PLEC: variants seen among roughly 807,000 people sequenced by gnomAD.
The protein encoded by PLEC is plectin.
PLEC carries 216 observed loss-of-function variants against 392.8 expected under a neutral mutation model. The observed-to-expected ratio is 0.55, with a 90% CI of 0.49 to 0.62. PLEC has a LOEUF of 0.62. PLEC is among the 20% of genes least tolerant of loss of function. The pLI is 0.00. For missense variants in PLEC, 6,863 were observed against 6,563.4 expected (o/e 1.05, Z -1.58); for synonymous variants, 3,621 against 2,980.6 (o/e 1.21, Z -7.00).
At chr8:143,943,837 GACA>G (rs781900511), upstream of PLEC, 10 of 1,612,354 alleles carry the variant, frequency 6.2e-6, no homozygotes, top group African/African-American at 1.1e-4. Context: ...CGGCCAGGGT[GACA>G]ACGTGACCCA....
In PLEC at chr8:143,924,453, GCGC is replaced by G. The variant is rs1564040774; in HGVS notation, c.5473_5475del (p.Ala1825del). 6.4e-7 allele frequency: 1 copy of G among 1,554,656 alleles called. No individual in the cohort carries two copies. The highest frequency in any genetic ancestry group is 1.8e-5 in the Admixed American group (1 of 54,510). ...ACCCGCTCCGCCTCGGCCCGCTGCC[GCGC>G]CGCGTCTTCCTCGGCCAGCTGCCGC... On this transcript the variant is annotated inframe_deletion, in exon 31 of 32. Coordinates refer to ENST00000345136, the MANE Select transcript of PLEC (RefSeq NM_201384.3).
Position 143,935,866 on chromosome 8 carries a change from G to A in PLEC, c.584C>T (p.Ala195Val), listed in dbSNP as rs782111264. The change falls in exon 6 of 32, where the codon GCC becomes GTC. Residue 195 changes from alanine (A) to valine (V), a missense_variant. Coordinates refer to ENST00000345136, the MANE Select transcript of PLEC (RefSeq NM_201384.3). ...CATGTACTTGTGCCGGTGGATGATG[G>A]CATTGAAGAGGCGGCCGTCTCTCCA... ...SSWRDGRLFNAIIHRHKPLLI... is the reference protein window; with the variant it reads ...SSWRDGRLFNVIIHRHKPLLI... 2 of 1,612,950 alleles carry A rather than the reference G, an allele frequency of 1.2e-6. No homozygotes were observed. Among genetic ancestry groups the A allele is most frequent in the Non-Finnish European group, 1.7e-6 (2 of 1,179,978 alleles).
intron 30 of PLEC, among the ~76,000 whole-genome samples, chr8:143,926,583 G>C (rs1464389714): frequency 6.6e-6 from 1 of 152,182 alleles, no homozygotes; most frequent in Non-Finnish European, 1.5e-5. Flanking sequence ...GAGCAGTGTA[G>C]CCACACCAGG....
rs1821474046 is a variant in PLEC, at chr8:143,918,796, CT to C, written c.11024del (p.Glu3675GlyfsTer30). ...LLREGTRSLR[E>X]ALEAESAWCY... ...ACCAGGCGGACTCCGCCTCGAGAGC[CT>C]CACGGAGGCTCCTGGTGCCCTCCCG... is the stretch of plus-strand genomic sequence containing the variant. On this transcript the variant is annotated frameshift_variant, in exon 32 of 32. Coordinates refer to ENST00000345136, the MANE Select transcript of PLEC (RefSeq NM_201384.3). LOFTEE classifies it high-confidence loss of function. 1 of 1,613,072 alleles carries C rather than the reference CT, an allele frequency of 6.2e-7. No homozygotes were observed. Among genetic ancestry groups the C allele is most frequent in the Non-Finnish European group, 8.5e-7 (1 of 1,180,022 alleles).
At position 143,917,310 on chromosome 8, in the gene PLEC, G is replaced by A; in HGVS notation, c.12511C>T (p.Leu4171=). 1 of 1,609,558 alleles carries A rather than the reference G, an allele frequency of 6.2e-7. No homozygotes were observed. The change falls in exon 32 of 32, where the codon CTG becomes TTG. Residue 4171 remains leucine (L), a synonymous_variant. Transcript: ENST00000345136. ...TCCCACTCGCACTCCTGCTCGGACAGCTCCAGGTACGTCTGGTGGTCAATC... is the reference window on the plus strand; with the variant it reads ...TCCCACTCGCACTCCTGCTCGGACAACTCCAGGTACGTCTGGTGGTCAATC... The part of the protein sequence containing the change: ...GLIDHQTYLE[L]SEQECEWEEI...
Position 143,937,467 on chromosome 8 carries a change from G to A in PLEC, c.265-225C>T, listed in dbSNP as rs530667905. Among the ~76,000 whole-genome samples, 4 of 152,290 alleles carry A rather than the reference G, an allele frequency of 2.6e-5. No individual in the cohort carries two copies. In the East Asian group the frequency reaches 7.8e-4, roughly 30 times the overall value. ...AGTCCAGCGACCCAGGCTGAGGGAA[G>A]GAAGGAAGGGGTGGGAGGAGACAAT... On this transcript the variant is annotated intron_variant, in intron 3 of 31. Transcript: ENST00000345136.
In PLEC at chr8:143,927,714, T is replaced by C. The variant is rs1224285110; in HGVS notation, c.3452A>G (p.Asp1151Gly). 1.9e-6 allele frequency: 3 copies of C among 1,590,398 alleles called. No homozygotes were observed. The highest frequency in any genetic ancestry group is 2.6e-6 in the Non-Finnish European group (3 of 1,167,142). ...AQQPTFDALR[D>G]ELRGAQEVGE... ...CACCTCCTGTGCCCCCCGCAGCTCA[T>C]CCCGCAGGGCGTCGAACGTGGGCTG... The change falls in exon 27 of 32, where the codon GAT (aspartate) becomes GGT (glycine). Residue 1151 changes from aspartate to glycine, a missense_variant. Physicochemically the swap from Asp to Gly is moderately conservative, Grantham distance 94. Coordinates refer to ENST00000345136, the MANE Select transcript of PLEC (RefSeq NM_201384.3).
intron 23 of PLEC, 36 bp downstream of exon 23, chr8:143,929,610 C>T: frequency 1.2e-6 from 2 of 1,610,088 alleles, no homozygotes; most frequent in Non-Finnish European, 1.7e-6. Flanking sequence ...GCCCACCTCG[C>T]ACCAGCCCAA....
upstream of PLEC, chr8:143,943,988 G>C (rs1831007381): frequency 6.5e-7 from 1 of 1,530,224 alleles, no homozygotes; most frequent in East Asian, 2.5e-5. Context: ...CGAGCGAGGG[G>C]GAGCGCCGGG....
Position 143,947,416 on chromosome 8 carries a change from C to T in PLEC, c.523+2768G>A, listed in dbSNP as rs1010789578. ...GCTGGCGTCTCCTCCACACAATCCT[C>T]GGTTCCTTCAGAATTTTGAGCCAGG... is the stretch of plus-strand genomic sequence containing the variant. On this transcript the variant is annotated intron_variant, in intron 1 of 31. Transcript: ENST00000322810. Among the ~76,000 whole-genome samples, 6 of 152,218 alleles carry T rather than the reference C, an allele frequency of 3.9e-5. No individual in the cohort carries two copies. In the East Asian group the frequency reaches 1.2e-3, roughly 29 times the overall value.
At position 143,936,998 on chromosome 8, in the gene PLEC, G is replaced by A; in HGVS notation, c.416C>T (p.Thr139Ile). The change falls in exon 5 of 32, where the codon ACA becomes ATA. Residue 139 changes from threonine to isoleucine, a missense_variant. Coordinates refer to ENST00000345136, the MANE Select transcript of PLEC (RefSeq NM_201384.3). ...NPKLTLGLIW[T>I]IILHFQISDI... ...TTCTACCTGGAAGTGCAGAATGATTGTCCAGATGAGGCCAAGGGTCAGCTT... is the reference window on the plus strand; with the variant it reads ...TTCTACCTGGAAGTGCAGAATGATTATCCAGATGAGGCCAAGGGTCAGCTT... 1.9e-6 allele frequency: 3 copies of A among 1,612,554 alleles called. No individual in the cohort carries two copies. The South Asian group carries it at 3.3e-5, about 18-fold the overall frequency.
chr8:143,932,786 C>G lies in PLEC; in HGVS notation c.1737+7G>C. The G allele has an allele frequency of 1.2e-6, 2 of 1,611,956 alleles. No homozygotes were observed. The highest frequency in any genetic ancestry group is 4.5e-5 in the East Asian group (2 of 44,832). ...CCCCGCACTGCCCATCGCTCAGCGC[C>G]ACCCACCTCGTCACTCCGTGCCCGC... On this transcript the variant is annotated splice_region_variant and intron_variant, in intron 14 of 31. Coordinates refer to ENST00000345136, the MANE Select transcript of PLEC (RefSeq NM_201384.3).
Position 143,927,305 on chromosome 8 carries a change from C to G in PLEC, c.3787G>C (p.Glu1263Gln). ...ALLEEIERHG[E>Q]KVEECQRFAK... The stretch of plus-strand genomic sequence containing the variant: ...AACCTCTGGCACTCCTCGACCTTCT[C>G]GCCGTGGCGCTCGATCTCCTCCAGC... The change falls in exon 28 of 32, where the codon GAG becomes CAG. Residue 1263 changes from glutamate to glutamine, a missense_variant. Glu to Gln is a conservative substitution (Grantham distance 29). Transcript: ENST00000345136. The G allele has an allele frequency of 6.2e-7, 1 of 1,613,262 alleles. No individual in the cohort carries two copies. The highest frequency in any genetic ancestry group is 8.5e-7 in the Non-Finnish European group (1 of 1,179,982).
At chr8:143,942,130 T>C (rs1830574243), upstream of PLEC, among the ~76,000 whole-genome samples, 1 of 151,790 alleles carries the variant, frequency 6.6e-6, no homozygotes, top group African/African-American at 2.4e-5. Context: ...CAGGCTGACG[T>C]GGAACAGCCG....
rs782746363 is a variant in PLEC at position 143,923,686 on chromosome 8, G to T, written c.6243C>A (p.Gly2081=). Residue 2081 remains glycine, a synonymous_variant, in exon 31 of 32, where the codon GGC becomes GGA. Coordinates refer to ENST00000345136, the MANE Select transcript of PLEC (RefSeq NM_201384.3). Reference sequence around the variant, plus strand: ...CCGCCCGCCGGGCCGCCTCCGCCTCGCCGCGCAGCTGGTCCAGCACGCTCT... The same window carrying T: ...CCGCCCGCCGGGCCGCCTCCGCCTCTCCGCGCAGCTGGTCCAGCACGCTCT... The part of the protein sequence containing the change: ...QEQSVLDQLR[G]EAEAARRAAE... The T allele has an allele frequency of 6.5e-7, 1 of 1,546,622 alleles. No individual in the cohort carries two copies. Among genetic ancestry groups the T allele is most frequent in the South Asian group, 1.2e-5 (1 of 85,626 alleles).
intron 1 of PLEC, among the ~76,000 whole-genome samples, chr8:143,946,879 A>G (rs1831555249): frequency 6.6e-6 from 1 of 151,270 alleles, no homozygotes; most frequent in South Asian, 2.1e-4. Context: ...CTCAGCCCCA[A>G]AGGTGGTCTC....
intron 1 of PLEC, among the ~76,000 whole-genome samples, chr8:143,968,817 G>A (rs1422185657): frequency 1.3e-5 from 2 of 152,178 alleles, no homozygotes; most frequent in African/African-American, 4.8e-5. Flanking sequence ...ACACCCACTA[G>A]GATTGGATGT....
Position 143,925,537 on chromosome 8 carries a change from G to A in PLEC, c.4392C>T (p.Thr1464=), listed in dbSNP as rs372029672. 36 of 1,594,546 alleles carry A rather than the reference G, an allele frequency of 2.3e-5. No homozygotes were observed. Among genetic ancestry groups the A allele is most frequent in the Admixed American group, 1.2e-4 (7 of 59,724 alleles). The part of the protein sequence containing the change: ...IRVVRLQLEA[T]ERQRGGAEGE... ...CCTCAGCCCCGCCACGCTGGCGCTC[G>A]GTGGCCTCCAACTGCAGGCGCACCA... The change falls in exon 31 of 32, where the codon ACC becomes ACT. Residue 1464 remains threonine (T), a synonymous_variant. Coordinates refer to ENST00000345136, the MANE Select transcript of PLEC (RefSeq NM_201384.3).
At position 143,918,071 on chromosome 8, in the gene PLEC, G is replaced by A. The variant is rs1554673878; in HGVS notation, c.11750C>T (p.Ser3917Phe). 1 of 1,600,142 alleles carries A rather than the reference G, an allele frequency of 6.2e-7. No homozygotes were observed. The highest frequency in any genetic ancestry group is 8.5e-7 in the Non-Finnish European group (1 of 1,175,664). Residue 3917 changes from serine (S) to phenylalanine (F), a missense_variant, in exon 32 of 32, where the codon TCC becomes TTC. Ser to Phe is a radical substitution (Grantham distance 155, BLOSUM62 -2). Transcript: ENST00000345136. Reference protein sequence around the residue: ...TALQLREGLTSIEEVTKNLQK... With the variant: ...TALQLREGLTFIEEVTKNLQK... ...CAAGTTCTTGGTGACCTCCTCGATG[G>A]AGGTCAGGCCCTCCCGCAGCTGCAG...
Sources: gnomAD v4.1 joint callset for allele counts (sites outside exome capture counted in the v4.1 genomes callset) on GRCh38, gnomAD v4.1.1 for gene constraint, MANE v1.5 for transcripts, NCBI Gene and HGNC (gene_info 2026-07-23, HGNC 2026-07-21) for gene names.